The following RIMS2 variants were observed in gnomAD, a reference collection of about 807,000 sequenced individuals.
RIMS2 encodes regulating synaptic membrane exocytosis 2.
RIMS2 carries 59 observed loss-of-function variants against 174.4 expected under a neutral mutation model. That is an observed-to-expected ratio of 0.34 (90% CI 0.27 to 0.42). The LOEUF is 0.42. Among genes scored for constraint, RIMS2 ranks in the 10% least tolerant of loss-of-function variants. The probability of loss-of-function intolerance (pLI) is 1.00; values close to 1 mark genes in which losing one functional copy is unlikely to be tolerated. For synonymous variants in RIMS2, 606 were observed against 572.5 expected (o/e 1.06, Z -0.84); for missense variants, 1,620 against 1,666.3 (o/e 0.97, Z 0.48).
intron 19 of RIMS2, among the ~76,000 whole-genome samples, chr8:104,072,222 C>CAT (rs1185954028): frequency 2.6e-5 from 4 of 152,070 alleles, no homozygotes; most frequent in African/African-American, 4.8e-5. Flanking sequence ...CTTCTTCAGA[C>CAT]ATATATATAT....
intron 2 of RIMS2, among the ~76,000 whole-genome samples, chr8:103,704,604 CT>C (rs2097203141): frequency 6.6e-6 from 1 of 151,952 alleles, no homozygotes; most frequent in Admixed American, 6.6e-5. Context: ...ATGTCTTGGG[CT>C]TTTGTTTGAT....
In RIMS2 at chr8:103,551,027, G is replaced by A. The variant is rs528757666; in HGVS notation, c.176+49965G>A. Among the ~76,000 whole-genome samples, 4 of 152,260 alleles carry A rather than the reference G, an allele frequency of 2.6e-5. No individual in the cohort carries two copies. The South Asian group carries it at 6.2e-4, about 24-fold the overall frequency. ...CGAATTCTACCAGAGGTACAAAGAT[G>A]AGCTGGTACCATTTCTTCTGAAACT... On this transcript the variant is annotated intron_variant, in intron 1 of 23. Coordinates refer to ENST00000504942, the Ensembl canonical transcript of RIMS2.
chr8:104,033,829 G>A (rs2096453583), intron 19 of RIMS2, among the ~76,000 whole-genome samples: 1 of 152,110 alleles, frequency 6.6e-6, no homozygotes, highest in Admixed American at 6.5e-5. Context: ...AAACTTTGGA[G>A]TGATAAAATG....
chr8:104,122,170 G>A (rs2132389478), intron 19 of RIMS2, among the ~76,000 whole-genome samples: 1 of 152,162 alleles, frequency 6.6e-6, no homozygotes, highest in South Asian at 2.1e-4. Context: ...AAAGGAGAAT[G>A]TGGATTTAAA....
At chr8:103,764,651 T>C (rs1403568208) in intron 2 of RIMS2, among the ~76,000 whole-genome samples, 1 of 152,132 alleles carries the variant, frequency 6.6e-6, no homozygotes, top group Non-Finnish European at 1.5e-5. Context: ...ATCAAAATAC[T>C]TATAAAAATA....
rs571241588 is a variant in RIMS2 at position 103,992,435 on chromosome 8, TTTTGTTTG to T, written c.3044+3030_3044+3037del. ...GCCACCGCGCCTGGCCCATGTAGTTTTTTGTTTGTTTGTTTGTTTGTTTTTTAAGTTTT... is the reference window on the plus strand; with the variant it reads ...GCCACCGCGCCTGGCCCATGTAGTTTTTTGTTTGTTTGTTTTTTAAGTTTT... On this transcript the variant is annotated intron_variant, in intron 17 of 23. Coordinates refer to ENST00000504942, the Ensembl canonical transcript of RIMS2. Among the ~76,000 whole-genome samples the T allele has an allele frequency of 2.2e-4, 34 of 151,882 alleles. 1 individual carries two copies. The highest frequency in any genetic ancestry group is 4.6e-4 in the Non-Finnish European group (31 of 67,956).
chr8:104,013,554 A>C (rs2095822172), exon 18 of RIMS2: 1 of 1,613,712 alleles, frequency 6.2e-7, no homozygotes. Context: ...TCCTGATACA[A>C]ACCTCATGAG....
intron 19 of RIMS2, among the ~76,000 whole-genome samples, chr8:104,133,320 C>G (rs2098488485): frequency 6.6e-6 from 1 of 152,126 alleles, no homozygotes. Context: ...GAGACCAGAT[C>G]TCCAAAATCT....
intron 1 of RIMS2, among the ~76,000 whole-genome samples, chr8:103,662,924 A>G (rs2096621766): frequency 6.6e-6 from 1 of 152,174 alleles, no homozygotes; most frequent in Admixed American, 6.5e-5. Flanking sequence ...TAATCCTAGC[A>G]CTTTGGGAGG....
At chr8:103,871,779 G>GTTTT (rs2099113361) in intron 3 of RIMS2, among the ~76,000 whole-genome samples, 2 of 151,846 alleles carry the variant, frequency 1.3e-5, no homozygotes, top group Non-Finnish European at 2.9e-5. Context: ...AAAACCGAAG[G>GTTTT]TGTTTGTTTT....
At chr8:103,735,538 A>G (rs1591352907) in intron 2 of RIMS2, among the ~76,000 whole-genome samples, 1 of 151,798 alleles carries the variant, frequency 6.6e-6, no homozygotes, top group African/African-American at 2.4e-5. Context: ...ATGTTCGTTC[A>G]TGGTGGATTA....
intron 19 of RIMS2, among the ~76,000 whole-genome samples, chr8:104,143,107 T>C (rs1362353365): frequency 6.6e-6 from 1 of 152,250 alleles, no homozygotes; most frequent in African/African-American, 2.4e-5. Context: ...GCGTTTTATA[T>C]GCTGATATTT....
chr8:104,141,656 T>A (rs2098576071), intron 19 of RIMS2, among the ~76,000 whole-genome samples: 1 of 152,252 alleles, frequency 6.6e-6, no homozygotes, highest in African/African-American at 2.4e-5. Flanking sequence ...GGCCTTATCC[T>A]GTCTACAATG....
At chr8:104,186,337 T>C (rs2098967891) in intron 19 of RIMS2, among the ~76,000 whole-genome samples, 1 of 151,904 alleles carries the variant, frequency 6.6e-6, no homozygotes, top group African/African-American at 2.4e-5. Context: ...ATACAACCTA[T>C]GCATGTAGCA....
intron 19 of RIMS2, among the ~76,000 whole-genome samples, chr8:104,094,146 T>C (rs1417174702): frequency 6.6e-6 from 1 of 152,000 alleles, no homozygotes; most frequent in Non-Finnish European, 1.5e-5. Context: ...CATTTCTTAC[T>C]TGTCCTATAG....
At chr8:104,073,058 AT>A (rs759765619) in intron 19 of RIMS2, among the ~76,000 whole-genome samples, 5 of 152,096 alleles carry the variant, frequency 3.3e-5, no homozygotes, top group Admixed American at 2.0e-4. Flanking sequence ...GGATCAACGT[AT>A]TTTTTCTATA....
intron 3 of RIMS2, among the ~76,000 whole-genome samples, chr8:103,774,853 C>T (rs187503234): frequency 3.3e-5 from 5 of 152,092 alleles, no homozygotes; most frequent in East Asian, 3.9e-4. Context: ...GCTACTATAG[C>T]GGTAACGTTT....
chr8:103,952,373 C>T (rs892565505), intron 14 of RIMS2, among the ~76,000 whole-genome samples: 1 of 152,170 alleles, frequency 6.6e-6, no homozygotes, highest in Admixed American at 6.5e-5. Flanking sequence ...TGGCTGGCAT[C>T]TGGTGGGTGC....
intron 3 of RIMS2, among the ~76,000 whole-genome samples, chr8:103,782,480 G>T (rs2098401445): frequency 6.7e-6 from 1 of 149,688 alleles, no homozygotes. Context: ...TTACAGTTTT[G>T]CAAAATAGTA....
Sources: gnomAD v4.1 joint callset for allele counts (sites outside exome capture counted in the v4.1 genomes callset) on GRCh38, gnomAD v4.1.1 for gene constraint, MANE v1.5 for transcripts, NCBI Gene and HGNC (gene_info 2026-07-23, HGNC 2026-07-21) for gene names.